The following PRH1 variants were observed in gnomAD, a reference collection of about 807,000 sequenced individuals.
PRH1 encodes the protein proline rich protein HaeIII subfamily 1, also known as salivary acidic proline-rich phosphoprotein 1/2.
A neutral mutation model predicts 7.9 loss-of-function variants in PRH1; 7 were observed. The ratio of observed to expected loss-of-function variants is 0.89; its 90% confidence interval spans 0.50 to 1.67. PRH1 has a LOEUF of 1.67. Among genes scored for constraint, PRH1 ranks in the 40% most tolerant of loss-of-function variants. The probability of loss-of-function intolerance (pLI) is 0.00; values close to 1 mark genes in which losing one functional copy is unlikely to be tolerated. For synonymous variants in PRH1, 45 were observed against 80.8 expected (o/e 0.56, Z 2.38); for missense variants, 109 against 223.6 (o/e 0.49, Z 3.27).
chr12:11,139,966 T>C (rs1458912392), intron 1 of PRH1, among the ~76,000 whole-genome samples: 1 of 152,054 alleles, frequency 6.6e-6, no homozygotes, highest in East Asian at 1.9e-4. Context: ...TAAACAATAG[T>C]TTCCAAGTTC....
At chr12:10,938,208 T>C (rs1343982551) in intron 2 of PRH1, 1 of 1,272,016 alleles carries the variant, frequency 7.9e-7, no homozygotes, top group Non-Finnish European at 1.1e-6. Context: ...TATAAATTTA[T>C]ATAACATACA....
At chr12:11,165,676 C>G (rs1417513876) in intron 1 of PRH1, among the ~76,000 whole-genome samples, 1 of 63,154 alleles carries the variant, frequency 1.6e-5, no homozygotes, top group Non-Finnish European at 4.3e-5. Flanking sequence ...AAATATTACC[C>G]CTCAAAAATG....
intron 2 of PRH1, among the ~76,000 whole-genome samples, chr12:10,949,742 TAA>T (rs1188016601): frequency 1.3e-5 from 2 of 152,136 alleles, no homozygotes; most frequent in African/African-American, 4.8e-5. Flanking sequence ...GAAAAAATTA[TAA>T]GTTTATCTCC....
intron 1 of PRH1, among the ~76,000 whole-genome samples, chr12:11,164,545 A>G (rs1458031720): frequency 6.6e-6 from 1 of 152,206 alleles, no homozygotes; most frequent in Non-Finnish European, 1.5e-5. Context: ...TAGAGGATGC[A>G]AGTAGCTGAC....
chr12:11,063,440 G>A (rs1166490161), intron 1 of PRH1, among the ~76,000 whole-genome samples: 2 of 151,984 alleles, frequency 1.3e-5, no homozygotes, highest in Non-Finnish European at 2.9e-5. Flanking sequence ...AACTAATGAA[G>A]TCAGATTGCC....
intron 1 of PRH1, among the ~76,000 whole-genome samples, chr12:11,017,507 T>TA (rs1357458992): frequency 6.6e-6 from 1 of 152,060 alleles, no homozygotes; most frequent in Non-Finnish European, 1.5e-5. Flanking sequence ...ATATTTGAGA[T>TA]AGAGTCTCGC....
At chr12:10,965,089 C>T (rs1938438187) in intron 2 of PRH1, 1 of 1,271,474 alleles carries the variant, frequency 7.9e-7, no homozygotes, top group Non-Finnish European at 1.1e-6. Context: ...TGGTTACAGC[C>T]CAGGCATTAA....
chr12:11,167,911 T>C (rs1947628337), intron 1 of PRH1, among the ~76,000 whole-genome samples: 1 of 140,618 alleles, frequency 7.1e-6, no homozygotes, highest in Non-Finnish European at 1.6e-5. Context: ...TATATCATAT[T>C]CTTCCACATG....
At chr12:10,957,410 A>G (rs1028269817) in intron 2 of PRH1, among the ~76,000 whole-genome samples, 15 of 152,184 alleles carry the variant, frequency 9.9e-5, no homozygotes, top group East Asian at 3.8e-4. Flanking sequence ...ACAAAACTCA[A>G]TGCAAGCTGG....
At chr12:10,885,074 T>G (rs1161278028), upstream of PRH1, among the ~76,000 whole-genome samples, 2 of 152,234 alleles carry the variant, frequency 1.3e-5, no homozygotes, top group Non-Finnish European at 2.9e-5. Flanking sequence ...CTCCACTTTC[T>G]CCAGAATATT....
At chr12:11,147,447 C>T (rs533422422) in intron 1 of PRH1, among the ~76,000 whole-genome samples, 4 of 152,296 alleles carry the variant, frequency 2.6e-5, no homozygotes, top group Admixed American at 6.5e-5. Flanking sequence ...CTGGGCCTCC[C>T]AACATGCTGG....
chr12:10,953,272 A>G (rs1937779201), intron 2 of PRH1, among the ~76,000 whole-genome samples: 1 of 151,926 alleles, frequency 6.6e-6, no homozygotes, highest in Admixed American at 6.6e-5. Context: ...CCCATGCTGA[A>G]AAGGCAGAAA....
At chr12:10,964,074 A>G (rs1938384018) in intron 2 of PRH1, among the ~76,000 whole-genome samples, 1 of 152,244 alleles carries the variant, frequency 6.6e-6, no homozygotes, top group South Asian at 2.1e-4. Flanking sequence ...CTTAACAATT[A>G]TAAATAGAGA....
intron 1 of PRH1, among the ~76,000 whole-genome samples, chr12:11,152,498 CTCAAGA>C (rs965895739): frequency 6.6e-6 from 1 of 151,990 alleles, no homozygotes; most frequent in African/African-American, 2.4e-5. Flanking sequence ...TTTCTCTTCT[CTCAAGA>C]TCAATTTATT....
chr12:11,112,242 C>T (rs918423157), intron 1 of PRH1, among the ~76,000 whole-genome samples: 1 of 152,260 alleles, frequency 6.6e-6, no homozygotes, highest in East Asian at 1.9e-4. Context: ...GAGATGGTAC[C>T]ATTCTTTCTG....
intron 2 of PRH1, chr12:10,908,554 G>T: frequency 6.2e-7 from 1 of 1,613,916 alleles, no homozygotes; most frequent in Non-Finnish European, 8.5e-7. Context: ...CATGATATGA[G>T]AACACATAGA....
rs1939679587 is a variant in PRH1 at position 10,987,040 on chromosome 12, G to A, written c.-125-13319C>T. ...AGTACCAGCTTATGCTAATGGATGA[G>A]TTTGATGTCATCTTTACGGAAAACA... On this transcript the variant is annotated intron_variant, in intron 1 of 3. Coordinates refer to the PRH1 transcript ENST00000539853. The A allele has an allele frequency of 3.0e-5, 13 of 436,196 alleles. No individual in the cohort carries two copies. The East Asian group carries it at 4.4e-4, about 15-fold the overall frequency. 27.0% of individuals were successfully genotyped at this position (436,196 alleles called of 1,614,324 possible). A position where few individuals can be genotyped will look rare whatever the true frequency, so the allele number is the denominator to read the frequency against.
intron 2 of PRH1, among the ~76,000 whole-genome samples, chr12:10,969,961 C>G (rs1169513756): frequency 6.6e-6 from 1 of 152,054 alleles, no homozygotes; most frequent in South Asian, 2.1e-4. Context: ...CCACCACACC[C>G]GGCTAATTTT....
intron 2 of PRH1, among the ~76,000 whole-genome samples, chr12:10,920,727 T>A (rs182616388): frequency 6.6e-6 from 1 of 152,234 alleles, no homozygotes; most frequent in Admixed American, 6.5e-5. Flanking sequence ...TCCAAATTTC[T>A]ATGTAACAAT....
Sources: gnomAD v4.1 joint callset for allele counts (sites outside exome capture counted in the v4.1 genomes callset) on GRCh38, gnomAD v4.1.1 for gene constraint, MANE v1.5 for transcripts, NCBI Gene and HGNC (gene_info 2026-07-23, HGNC 2026-07-21) for gene names.